RIF1: variants seen among roughly 807,000 people sequenced by gnomAD.
RIF1 encodes replication timing regulatory factor 1.
RIF1 carries 45 observed loss-of-function variants against 247.1 expected under a neutral mutation model. The ratio of observed to expected loss-of-function variants is 0.18; its 90% CI spans 0.14 to 0.23. The LOEUF is 0.23. RIF1 is among the 10% of genes least tolerant of loss of function. The pLI is 1.00. For synonymous variants in RIF1, 1,087 were observed against 978.8 expected (o/e 1.11, Z -2.06); for missense variants, 2,967 against 2,862.5 (o/e 1.04, Z -0.83).
the RIF1 span, among the ~76,000 whole-genome samples, chr2:151,531,294 CT>C: frequency 6.8e-6 from 1 of 147,280 alleles, no homozygotes; most frequent in Non-Finnish European, 1.5e-5. Flanking sequence ...CACAACAACT[CT>C]CTTTTTTTCT....
chr2:151,420,734 C>CA (rs35285535), intron 7 of RIF1, among the ~76,000 whole-genome samples: 35,485 of 111,646 alleles, frequency 0.32, 5,309 homozygotes, highest in African/African-American at 0.39. Flanking sequence ...GACCCTGTCT[C>CA]AAAAAAAAAA....
chr2:151,513,642 C>T, the RIF1 span: 21 of 1,610,068 alleles, frequency 1.3e-5, no homozygotes, highest in Non-Finnish European at 1.8e-5. Context: ...TTGGCCATGG[C>T]ATTCAGGCCT....
chr2:151,435,037 AT>A (rs1271000003), intron 10 of RIF1, among the ~76,000 whole-genome samples: 1 of 152,180 alleles, frequency 6.6e-6, no homozygotes, highest in Non-Finnish European at 1.5e-5. Flanking sequence ...TTGCATCATA[AT>A]GAATTTTCCA....
the RIF1 span, among the ~76,000 whole-genome samples, chr2:151,522,481 A>G: frequency 2.0e-5 from 3 of 152,216 alleles, no homozygotes; most frequent in Admixed American, 2.0e-4. Flanking sequence ...ATACACATAC[A>G]TTAGGAGTCC....
chr2:151,468,845 A>G, intron 33 of RIF1, 89 bp downstream of exon 33: 1 of 916,558 alleles, frequency 1.1e-6, no homozygotes, highest in Non-Finnish European at 1.8e-6. Context: ...CATGTTTAGA[A>G]TTGATTGGCA....
At chr2:151,427,123 T>C (rs181216228) in intron 8 of RIF1, among the ~76,000 whole-genome samples, 1 of 152,274 alleles carries the variant, frequency 6.6e-6, no homozygotes, top group Non-Finnish European at 1.5e-5. Flanking sequence ...TTATATGTGG[T>C]TTATAGCCTG....
chr2:151,489,995 G>A, intron 9 of RIF1: 3 of 1,609,072 alleles, frequency 1.9e-6, no homozygotes, highest in Non-Finnish European at 2.6e-6. Context: ...GATGAGATGG[G>A]ATGGAAGATA....
Position 151,479,148 on chromosome 2 carries a change from CA to C in RIF1, c.*4078del, listed in dbSNP as rs1261485421. The C allele has an allele frequency of 6.6e-6, 1 of 152,274 alleles. No individual in the cohort carries two copies. Among genetic ancestry groups the C allele is most frequent in the Admixed American group, 6.5e-5 (1 of 15,296 alleles). 9.4% of individuals were successfully genotyped at this position (152,274 alleles called of 1,614,324 possible). A position where few individuals can be genotyped will look rare whatever the true frequency, so the allele number is the denominator to read the frequency against. On this transcript the variant is annotated 3_prime_UTR_variant, in exon 36 of 36. Coordinates refer to ENST00000444746, the MANE Select transcript of RIF1 (RefSeq NM_018151.5). ...GCTGGTAGATGGGCCTAAGAGGCTT[CA>C]GGCTGTGTTTTAGGTTTTGGTAAGC... is the stretch of plus-strand genomic sequence containing the variant.
At position 151,474,011 on chromosome 2, in the gene RIF1, A is replaced by T. The variant is rs1346307479; in HGVS notation, c.7143A>T (p.Glu2381Asp). The change falls in exon 35 of 36, where the codon GAA (glutamate) becomes GAT (aspartate). Residue 2381 changes from glutamate (E) to aspartate (D), a missense_variant. Glu to Asp is a conservative substitution (Grantham distance 45). Transcript: ENST00000444746. ...AGATTCCAGTTTTTGATATTTCTGAAAAAACAGTAAATGGAATAGAAAATA... is the reference window on the plus strand; with the variant it reads ...AGATTCCAGTTTTTGATATTTCTGATAAAACAGTAAATGGAATAGAAAATA... ...LEEIPVFDIS[E>D]KTVNGIENKS... is the part of the protein sequence containing the mutation. 6.3e-7 allele frequency: 1 copy of T among 1,597,676 alleles called. No individual in the cohort carries two copies. Among genetic ancestry groups the T allele is most frequent in the Admixed American group, 1.7e-5 (1 of 59,666 alleles).
At chr2:151,492,261 A>G (rs2057181814) in intron 9 of RIF1, 1 of 1,613,046 alleles carries the variant, frequency 6.2e-7, no homozygotes, top group East Asian at 2.2e-5. Context: ...TGTGTTTCTC[A>G]AAGTCTTCAT....
At chr2:151,460,834 TCTC>T (rs2152486120) in intron 26 of RIF1, among the ~76,000 whole-genome samples, 1 of 152,310 alleles carries the variant, frequency 6.6e-6, no homozygotes, top group East Asian at 1.9e-4. Flanking sequence ...GCAAATATAC[TCTC>T]CTCCTGCCAA....
intron 13 of RIF1, chr2:151,506,472 C>T: frequency 1.9e-6 from 1 of 514,340 alleles, no homozygotes; most frequent in Non-Finnish European, 3.4e-6. Context: ...AAGATTTCTT[C>T]TAAGATTGTG....
intron 9 of RIF1, among the ~76,000 whole-genome samples, chr2:151,432,246 G>A (rs1486620882): frequency 6.6e-6 from 1 of 152,182 alleles, no homozygotes; most frequent in Non-Finnish European, 1.5e-5. Flanking sequence ...CTGACCTCAA[G>A]TGACCAACCT....
rs759141794 is a variant in RIF1, at chr2:151,493,827, G to C, written c.*416-1402G>C. The C allele has an allele frequency of 2.2e-5, 35 of 1,586,206 alleles. No homozygotes were observed. Among genetic ancestry groups the C allele is most frequent in the South Asian group, 2.3e-5 (2 of 86,234 alleles). ...CACTCTTTCCATCTCAGGAGTAAAG[G>C]GTGTGGGGGTTGCTTTCCCCAGGTT... On this transcript the variant is annotated intron_variant and NMD_transcript_variant, in intron 9 of 13. Transcript: ENST00000454583.
chr2:151,494,110 G>GC (rs2058555528), intron 9 of RIF1: 12 of 1,463,126 alleles, frequency 8.2e-6, no homozygotes, highest in Non-Finnish European at 1.0e-5. Context: ...AGGCCAAACT[G>GC]CAAGAGTTAT....
chr2:151,493,148 A>G, intron 9 of RIF1: 1 of 520,934 alleles, frequency 1.9e-6, no homozygotes, highest in Non-Finnish European at 3.4e-6. Flanking sequence ...ATGTAAAAGC[A>G]CAGTTAATGT....
intron 19 of RIF1, among the ~76,000 whole-genome samples, 185 bp from the exon 20 acceptor site, chr2:151,446,241 C>T (rs1693247621): frequency 6.6e-6 from 1 of 152,086 alleles, no homozygotes; most frequent in African/African-American, 2.4e-5. Context: ...TCAGGTGATC[C>T]ACCAACCTCG....
Position 151,462,271 on chromosome 2 carries a change from T to C in RIF1, c.3257T>C (p.Leu1086Pro), listed in dbSNP as rs1293310339. The C allele has an allele frequency of 6.3e-7, 1 of 1,590,216 alleles. No homozygotes were observed. Among genetic ancestry groups the C allele is most frequent in the African/African-American group, 1.3e-5 (1 of 74,648 alleles). ...GATATTCCTGCCATGTATAATAATCTGGATGTTTCCCAAGATACCTTATTT... is the reference window on the plus strand; with the variant it reads ...GATATTCCTGCCATGTATAATAATCCGGATGTTTCCCAAGATACCTTATTT... ...RCDIPAMYNN[L>P]DVSQDTLFTQ... Residue 1086 changes from leucine to proline, a missense_variant, in exon 28 of 36, where the codon CTG (leucine) becomes CCG (proline). Physicochemically the swap from Leu to Pro is moderately conservative, Grantham distance 98. Coordinates refer to ENST00000444746, the MANE Select transcript of RIF1 (RefSeq NM_018151.5).
At chr2:151,504,941 A>C (rs2067596302) in intron 12 of RIF1, among the ~76,000 whole-genome samples, 1 of 152,060 alleles carries the variant, frequency 6.6e-6, no homozygotes, top group Non-Finnish European at 1.5e-5. Flanking sequence ...AGATGGAGAG[A>C]GCAAAGAATA....
Sources: allele counts gnomAD v4.1 joint callset (sites outside exome capture counted in the v4.1 genomes callset), GRCh38; gene constraint gnomAD v4.1.1; transcripts MANE v1.5; gene names NCBI Gene and HGNC (gene_info 2026-07-23, HGNC 2026-07-21).